DISP1: variants seen among roughly 807,000 people sequenced by gnomAD.
The protein encoded by DISP1 is protein dispatched homolog 1.
A neutral mutation model predicts 37.3 loss-of-function variants in DISP1; 30 were observed. That is an observed-to-expected ratio of 0.80 (90% CI 0.60 to 1.09). The LOEUF (loss-of-function observed/expected upper bound fraction) is 1.09. Ranked by LOEUF, DISP1 falls within the 50% of genes least tolerant of loss-of-function variation. The pLI is 0.00. For synonymous variants in DISP1, 634 were observed against 690.2 expected (o/e 0.92, Z 1.28); for missense variants, 1,598 against 1,879.5 (o/e 0.85, Z 2.77).
chr1:222,951,179 G>A lies in DISP1; in HGVS notation c.509+7847G>A, dbSNP rs376735272. Among the ~76,000 whole-genome samples the A allele has an allele frequency of 1.2e-3, 189 of 152,256 alleles. 4 individuals are homozygous for A. In the South Asian group the frequency reaches 0.03, roughly 24 times the overall value. On this transcript the variant is annotated intron_variant, in intron 3 of 8. Coordinates refer to ENST00000675850, the MANE Select transcript of DISP1 (RefSeq NM_001377229.1). Reference sequence around the variant, plus strand: ...ACCGTAGAACCCTGGGACTAGCTTAGCCTCTTAAAGTTAACTAAATATTGT... The same window carrying A: ...ACCGTAGAACCCTGGGACTAGCTTAACCTCTTAAAGTTAACTAAATATTGT...
chr1:222,968,770 CTAAAAA>C (rs1183324191), intron 3 of DISP1, among the ~76,000 whole-genome samples: 1 of 149,652 alleles, frequency 6.7e-6, no homozygotes, highest in Non-Finnish European at 1.5e-5. Context: ...CCCGTCTCTA[CTAAAAA>C]TACAAAATTA....
At chr1:222,926,821 C>A (rs2609401) in intron 1 of DISP1, among the ~76,000 whole-genome samples, 2 of 151,958 alleles carry the variant, frequency 1.3e-5, no homozygotes, top group East Asian at 3.9e-4. Context: ...TGTGAAAAAC[C>A]TGGCACTAAA....
intron 2 of DISP1, among the ~76,000 whole-genome samples, chr1:222,937,935 G>A (rs1674094049): frequency 6.6e-6 from 1 of 151,670 alleles, no homozygotes; most frequent in African/African-American, 2.4e-5. Context: ...ATGCAGTGGT[G>A]TGTCTCAAGC....
At position 222,945,287 on chromosome 1, in the gene DISP1, C is replaced by G. The variant is rs115811567; in HGVS notation, c.509+1955C>G. Among the ~76,000 whole-genome samples the G allele has an allele frequency of 3.6e-3, 543 of 152,146 alleles. 2 individuals carry two copies. The highest frequency in any genetic ancestry group is 0.013 in the African/African-American group (536 of 41,524). On this transcript the variant is annotated intron_variant, in intron 3 of 8. Coordinates refer to ENST00000675850, the MANE Select transcript of DISP1 (RefSeq NM_001377229.1). ...ATGATAAGAAGTTCACCACATTTACCAAAGCCATTTCTTAGAAGATTTGTC... is the reference window on the plus strand; with the variant it reads ...ATGATAAGAAGTTCACCACATTTACGAAAGCCATTTCTTAGAAGATTTGTC...
chr1:222,852,138 C>T (rs567989608), intron 1 of DISP1, among the ~76,000 whole-genome samples: 24 of 151,954 alleles, frequency 1.6e-4, no homozygotes, highest in Non-Finnish European at 2.9e-4. Flanking sequence ...GAGCCGAGAT[C>T]GCGCCATCGC....
In DISP1 at chr1:223,003,737, C is replaced by T. The variant is rs374025618; in HGVS notation, c.2340C>T (p.Gly780=). 9.0e-5 allele frequency: 146 copies of T among 1,614,134 alleles called. No homozygotes were observed. The highest frequency in any genetic ancestry group is 2.0e-4 in the South Asian group (18 of 91,076). Residue 780 remains glycine, a synonymous_variant, in exon 9 of 9, where the codon GGC becomes GGT. Coordinates refer to ENST00000675850, the MANE Select transcript of DISP1 (RefSeq NM_001377229.1). The surrounding 1 kb of genome is among the most constrained non-coding windows in gnomAD (Gnocchi z 4.3). ...KLFMFERVHH[G]EELHMPITVI... Reference sequence around the variant, plus strand: ...TCATGTTTGAACGTGTTCACCATGGCGAGGAGCTCCACATGCCCATCACAG... The same window carrying T: ...TCATGTTTGAACGTGTTCACCATGGTGAGGAGCTCCACATGCCCATCACAG...
chr1:222,870,881 A>T (rs1669526762), intron 1 of DISP1, among the ~76,000 whole-genome samples: 1 of 152,126 alleles, frequency 6.6e-6, no homozygotes, highest in Admixed American at 6.5e-5. Context: ...TATGTCCTGA[A>T]TGGTATTGCC....
chr1:222,863,604 C>T (rs1447751317), intron 1 of DISP1, among the ~76,000 whole-genome samples: 1 of 151,734 alleles, frequency 6.6e-6, no homozygotes, highest in Non-Finnish European at 1.5e-5. Context: ...ATTTATGAAA[C>T]TTACACTCAA....
chr1:222,891,294 G>T (rs1178460075), intron 1 of DISP1, among the ~76,000 whole-genome samples: 1 of 152,148 alleles, frequency 6.6e-6, no homozygotes, highest in East Asian at 1.9e-4. Context: ...AGCTGAACAT[G>T]CTGTGAAGGA....
At chr1:222,889,579 G>A (rs1670831166) in intron 1 of DISP1, among the ~76,000 whole-genome samples, 1 of 148,840 alleles carries the variant, frequency 6.7e-6, no homozygotes, top group Non-Finnish European at 1.5e-5. Context: ...TTTTTTCACA[G>A]AGCCACGTTT....
At chr1:222,816,100 TATAA>T (rs1470235583) in intron 1 of DISP1, among the ~76,000 whole-genome samples, 3 of 143,002 alleles carry the variant, frequency 2.1e-5, no homozygotes, top group Non-Finnish European at 3.1e-5. Flanking sequence ...TATATATATA[TATAA>T]ATATTTGCCA....
intron 1 of DISP1, among the ~76,000 whole-genome samples, chr1:222,819,709 T>G (rs895327807): frequency 1.3e-5 from 2 of 151,820 alleles, no homozygotes; most frequent in Admixed American, 6.6e-5. Flanking sequence ...CCTGACTAAT[T>G]TTTGTGTTTT....
chr1:222,959,530 G>A (rs1051252366), intron 3 of DISP1, among the ~76,000 whole-genome samples: 2 of 151,672 alleles, frequency 1.3e-5, no homozygotes, highest in Non-Finnish European at 2.9e-5. Flanking sequence ...GAGAAACCCC[G>A]TCTCTACTGA....
chr1:222,860,208 C>T (rs556171493), intron 1 of DISP1, among the ~76,000 whole-genome samples: 4 of 152,268 alleles, frequency 2.6e-5, no homozygotes, highest in Non-Finnish European at 5.9e-5. Flanking sequence ...GCATGTGCCA[C>T]CAGGCCCGGC....
intron 1 of DISP1, among the ~76,000 whole-genome samples, chr1:222,925,729 A>G (rs1444828574): frequency 6.6e-6 from 1 of 152,164 alleles, no homozygotes; most frequent in Non-Finnish European, 1.5e-5. Context: ...CAGCAGCAGC[A>G]GCAGCATCCT....
At chr1:222,954,551 T>A (rs1675453969) in intron 3 of DISP1, among the ~76,000 whole-genome samples, 1 of 152,148 alleles carries the variant, frequency 6.6e-6, no homozygotes, top group Non-Finnish European at 1.5e-5. Context: ...GTCACTGCCA[T>A]CAAACAACTT....
At chr1:222,952,757 G>A (rs1030421401) in intron 3 of DISP1, among the ~76,000 whole-genome samples, 52 of 152,304 alleles carry the variant, frequency 3.4e-4, no homozygotes, top group African/African-American at 1.1e-3. Context: ...GGCTGAGGCC[G>A]GAGAATCGCT....
rs749297185 is a variant in DISP1, at chr1:222,992,077, T to C, written c.856T>C (p.Phe286Leu). The C allele has an allele frequency of 1.2e-5, 19 of 1,613,866 alleles. No individual in the cohort carries two copies. The highest frequency in any genetic ancestry group is 1.6e-5 in the Non-Finnish European group (19 of 1,179,906). Residue 286 changes from phenylalanine to leucine, a missense_variant, in exon 7 of 9, where the codon TTC (phenylalanine) becomes CTC (leucine). Transcript: ENST00000675850. ...EREKREVDWN[F>L]HKDSFFCDVP... The stretch of plus-strand genomic sequence containing the variant: ...AGAGAAAAGAGAAGTTGACTGGAAC[T>C]TCCACAAGGACAGCTTTTTCTGCGA...
chr1:222,836,476 G>C lies in DISP1; in HGVS notation c.-159+21398G>C, dbSNP rs190881249. On this transcript the variant is annotated intron_variant, in intron 1 of 8. Coordinates refer to ENST00000675850, the MANE Select transcript of DISP1 (RefSeq NM_001377229.1). ...CAAACTTTATTTTCACTGGAAGATA[G>C]AATAGGATAGTGAAAAGAGCACTGC... 1.1e-3 allele frequency among the ~76,000 whole-genome samples: 174 copies of C among 152,274 alleles called. 1 individual carries two copies. The highest frequency in any genetic ancestry group is 4.0e-3 in the African/African-American group (166 of 41,558).
Sources: gnomAD v4.1 joint callset for allele counts (sites outside exome capture counted in the v4.1 genomes callset) on GRCh38, gnomAD v4.1.1 for gene constraint, Gnocchi (gnomAD v3.1) non-coding constraint, MANE v1.5 for transcripts, NCBI Gene and HGNC (gene_info 2026-07-23, HGNC 2026-07-21) for gene names.